KCNQ3: variants seen among roughly 807,000 people sequenced by gnomAD.
KCNQ3 encodes the protein potassium voltage-gated channel subfamily KQT member 3.
Under a neutral mutation model 92.5 loss-of-function variants are expected in KCNQ3, and 30 were observed. The ratio of observed to expected loss-of-function variants is 0.32; its 90% CI spans 0.24 to 0.44. The LOEUF (loss-of-function observed/expected upper bound fraction) is 0.44, where lower values mean the gene tolerates loss of function less well. Ranked by LOEUF, KCNQ3 falls within the 20% of genes least tolerant of loss-of-function variation. The probability of loss-of-function intolerance (pLI) is 1.00; values close to 1 mark genes in which losing one functional copy is unlikely to be tolerated. For synonymous variants in KCNQ3, 450 were observed against 468.8 expected, an observed-to-expected ratio of 0.96 and a Z score of 0.52; for missense variants, 913 against 1,140.3, an observed-to-expected ratio of 0.80 and a Z score of 2.87.
At position 132,186,929 on chromosome 8, in the gene KCNQ3, T is replaced by TGA. The variant is rs752305044; in HGVS notation, c.387-749_387-748insTC. On this transcript the variant is annotated intron_variant, in intron 1 of 14. Coordinates refer to ENST00000388996, the MANE Select transcript of KCNQ3 (RefSeq NM_004519.4). Reference sequence around the variant, plus strand: ...GTGCGTGTGTGTGTGTGTGTGTGTGTGTGTGAGAGAGAGAGAGAGAGAGAG... The same window carrying TGA: ...GTGCGTGTGTGTGTGTGTGTGTGTGTGAGTGTGAGAGAGAGAGAGAGAGAGAG... Among the ~76,000 whole-genome samples the TGA allele has an allele frequency of 3.7e-3, 365 of 98,524 alleles. 8 individuals are homozygous for TGA. The highest frequency in any genetic ancestry group is 7.9e-3 in the South Asian group (24 of 3,042). The allele number at this position is 98,524 out of a possible 152,430, so 64.6% of individuals were successfully genotyped here.
At chr8:132,455,344 T>C (rs1023124520) in intron 1 of KCNQ3, among the ~76,000 whole-genome samples, 1 of 152,178 alleles carries the variant, frequency 6.6e-6, no homozygotes, top group Non-Finnish European at 1.5e-5. Context: ...TGACCTCACA[T>C]GACTCTCCTA....
chr8:132,449,272 A>G (rs1181467828), intron 1 of KCNQ3, among the ~76,000 whole-genome samples: 1 of 152,116 alleles, frequency 6.6e-6, no homozygotes, highest in African/African-American at 2.4e-5. Context: ...TTCTCCAGCC[A>G]ATGGCAGAGT....
intron 1 of KCNQ3, among the ~76,000 whole-genome samples, chr8:132,244,869 G>A (rs1423255765): frequency 3.8e-5 from 5 of 133,058 alleles, no homozygotes; most frequent in Non-Finnish European, 7.7e-5. Context: ...ATTATTTATA[G>A]AAGCACAGTT....
At chr8:132,145,287 A>G (rs1347709646) in intron 9 of KCNQ3, among the ~76,000 whole-genome samples, 1 of 152,258 alleles carries the variant, frequency 6.6e-6, no homozygotes, top group Non-Finnish European at 1.5e-5. Context: ...CACTAAAAGT[A>G]TTATTACAAT....
intron 1 of KCNQ3, among the ~76,000 whole-genome samples, chr8:132,332,058 C>A (rs1277768011): frequency 6.6e-6 from 1 of 152,208 alleles, no homozygotes; most frequent in African/African-American, 2.4e-5. Flanking sequence ...TAGAGTAGGA[C>A]AGAGTGATGG....
intron 1 of KCNQ3, among the ~76,000 whole-genome samples, chr8:132,406,741 T>C (rs1249806185): frequency 2.6e-5 from 4 of 152,180 alleles, no homozygotes; most frequent in Admixed American, 1.3e-4. Context: ...GGATGTGGTA[T>C]GGAGAGAGCA....
chr8:132,186,020 C>T, intron 2 of KCNQ3, 71 bp downstream of exon 2: 2 of 1,215,556 alleles, frequency 1.6e-6, no homozygotes, highest in South Asian at 1.2e-5. Context: ...GAGGAGTGCA[C>T]CCAAGGGCAA....
intron 1 of KCNQ3, among the ~76,000 whole-genome samples, chr8:132,234,583 A>T (rs901938329): frequency 1.3e-5 from 2 of 152,082 alleles, no homozygotes; most frequent in Admixed American, 6.6e-5. Context: ...CACACTATAT[A>T]CTGGACACTG....
intron 1 of KCNQ3, among the ~76,000 whole-genome samples, chr8:132,252,274 C>T (rs1815438309): frequency 6.6e-6 from 1 of 151,730 alleles, no homozygotes; most frequent in South Asian, 2.1e-4. Context: ...AGAGTTTGTT[C>T]CTTCAGATGT....
chr8:132,411,783 T>C (rs1268589888), intron 1 of KCNQ3, among the ~76,000 whole-genome samples: 12 of 152,242 alleles, frequency 7.9e-5, no homozygotes, highest in Admixed American at 2.0e-4. Context: ...CTGAGGGACT[T>C]TTCATTCTCT....
intron 1 of KCNQ3, among the ~76,000 whole-genome samples, chr8:132,211,992 T>C (rs1813876296): frequency 6.6e-6 from 1 of 151,396 alleles, no homozygotes; most frequent in Admixed American, 6.6e-5. Flanking sequence ...AGGTTATGTA[T>C]ATTTCCCAAG....
chr8:132,143,623 GC>G (rs1481197247), intron 9 of KCNQ3, among the ~76,000 whole-genome samples: 1 of 152,186 alleles, frequency 6.6e-6, no homozygotes, highest in African/African-American at 2.4e-5. Flanking sequence ...ATAAGCCCAT[GC>G]TTTTCATAGA....
chr8:132,309,463 G>A (rs1276205582), intron 1 of KCNQ3, among the ~76,000 whole-genome samples: 4 of 152,188 alleles, frequency 2.6e-5, no homozygotes, highest in Non-Finnish European at 5.9e-5. Flanking sequence ...GCTACTGTAT[G>A]GAGCATTATG....
At chr8:132,334,458 T>C (rs1469759538) in intron 1 of KCNQ3, among the ~76,000 whole-genome samples, 2 of 152,178 alleles carry the variant, frequency 1.3e-5, no homozygotes, top group African/African-American at 4.8e-5. Flanking sequence ...AGTTAACTTA[T>C]TTGTCTAACC....
At chr8:132,175,207 A>C (rs777375113) in intron 5 of KCNQ3, among the ~76,000 whole-genome samples, 2 of 152,232 alleles carry the variant, frequency 1.3e-5, no homozygotes, top group Non-Finnish European at 1.5e-5. Flanking sequence ...CTAAGTCCAT[A>C]AACGACCATG....
chr8:132,147,092 CAGAG>C (rs1366711060), intron 9 of KCNQ3, among the ~76,000 whole-genome samples: 1 of 152,112 alleles, frequency 6.6e-6, no homozygotes, highest in Non-Finnish European at 1.5e-5. Context: ...GCAAAAACAA[CAGAG>C]AGAGACTGAA....
intron 1 of KCNQ3, among the ~76,000 whole-genome samples, chr8:132,446,240 A>T (rs2721905): frequency 1.3e-5 from 2 of 152,018 alleles, no homozygotes; most frequent in African/African-American, 2.4e-5. Flanking sequence ...AAGCTACTCT[A>T]AAGACAATGC....
intron 1 of KCNQ3, among the ~76,000 whole-genome samples, chr8:132,353,538 A>G (rs1364409671): frequency 1.3e-5 from 2 of 152,204 alleles, no homozygotes; most frequent in Non-Finnish European, 2.9e-5. Context: ...TTGATTAAAC[A>G]ATACTTGCTT....
chr8:132,182,882 G>GCGCA lies in KCNQ3; in HGVS notation c.604+1358_604+1359insTGCG, dbSNP rs1491176964. ...ATCATTAAAAAAGTCCTCCAATATC[G>GCGCA]CACACACACACACACACACACACAC... On this transcript the variant is annotated intron_variant, in intron 3 of 14. Transcript: ENST00000388996. Among the ~76,000 whole-genome samples the GCGCA allele has an allele frequency of 8.0e-3, 1,164 of 146,094 alleles. 15 individuals are homozygous for GCGCA. Among genetic ancestry groups the GCGCA allele is most frequent in the African/African-American group, 0.028 (1,117 of 40,104 alleles).
Sources: gnomAD v4.1 joint callset for allele counts (sites outside exome capture counted in the v4.1 genomes callset) on GRCh38, gnomAD v4.1.1 for gene constraint, MANE v1.5 for transcripts, NCBI Gene and HGNC (gene_info 2026-07-23, HGNC 2026-07-21) for gene names.